Variants in PBX1 observed in about 807,000 individuals in gnomAD.
PBX1 encodes pre-B-cell leukemia transcription factor 1.
In PBX1, 6 loss-of-function variants were observed where a neutral mutation model predicts 53.4. That is an observed-to-expected ratio of 0.11 (90% CI 0.06 to 0.22). The LOEUF (loss-of-function observed/expected upper bound fraction) is 0.22. PBX1 is among the 10% of genes least tolerant of loss of function. The pLI, the probability that PBX1 is intolerant of heterozygous loss-of-function variation, is 1.00. For missense variants in PBX1, 251 were observed against 551.4 expected (o/e 0.46, Z 5.46); for synonymous variants, 204 against 212.3 (o/e 0.96, Z 0.34).
At chr1:164,825,503 C>G (rs1452573517) in intron 8 of PBX1, among the ~76,000 whole-genome samples, 1 of 152,096 alleles carries the variant, frequency 6.6e-6, no homozygotes, top group Non-Finnish European at 1.5e-5. Flanking sequence ...TGACCAATAG[C>G]CACATCTAGT....
intron 2 of PBX1, chr1:164,657,026 A>G (rs549649125): frequency 1.8e-4 from 27 of 152,210 alleles, no homozygotes; most frequent in Non-Finnish European, 3.5e-4. Flanking sequence ...ATATTAAGAT[A>G]ACATACTCTA....
intron 2 of PBX1, among the ~76,000 whole-genome samples, chr1:164,759,961 C>T (rs573635661): frequency 7.2e-5 from 11 of 152,274 alleles, no homozygotes; most frequent in African/African-American, 2.4e-4. Context: ...CCCTAAAAAC[C>T]ACAGTTGTAA....
chr1:164,852,991 A>T (rs1571532145), downstream of PBX1, among the ~76,000 whole-genome samples: 1 of 152,238 alleles, frequency 6.6e-6, no homozygotes, highest in Non-Finnish European at 1.5e-5. Flanking sequence ...TACTAAATAG[A>T]TGTAAGAAAC....
chr1:164,700,811 G>A (rs1302950089), intron 2 of PBX1: 2 of 853,686 alleles, frequency 2.3e-6, no homozygotes, highest in African/African-American at 1.8e-5. Flanking sequence ...TTGTGTTTTG[G>A]TGGTGGCCAG....
At chr1:164,885,397 C>T (rs1672754438) in intron 2 of PBX1, among the ~76,000 whole-genome samples, 2 of 152,190 alleles carry the variant, frequency 1.3e-5, no homozygotes, top group South Asian at 4.1e-4. Flanking sequence ...ATTCTGGAAG[C>T]AGGGATGGTG....
Position 164,708,106 on chromosome 1 carries a change from A to G in PBX1, c.266-84388A>G, listed in dbSNP as rs60247114. Reference sequence around the variant, plus strand: ...AGCCAACCTGCAAGTCAGTTAGGTGAGGCCGAGTGACCTCAGCCTGATGCA... The same window carrying G: ...AGCCAACCTGCAAGTCAGTTAGGTGGGGCCGAGTGACCTCAGCCTGATGCA... On this transcript the variant is annotated intron_variant, in intron 2 of 8. Coordinates refer to ENST00000420696, the MANE Select transcript of PBX1 (RefSeq NM_002585.4). 7.0e-3 allele frequency among the ~76,000 whole-genome samples: 1,064 copies of G among 152,282 alleles called. 7 individuals carry two copies. The highest frequency in any genetic ancestry group is 0.024 in the African/African-American group (1,017 of 41,542).
chr1:164,583,959 C>T (rs1408097349), intron 2 of PBX1, among the ~76,000 whole-genome samples: 1 of 152,080 alleles, frequency 6.6e-6, no homozygotes, highest in Non-Finnish European at 1.5e-5. Context: ...CAAAGAAAGT[C>T]CTGAAAGATG....
intron 2 of PBX1, among the ~76,000 whole-genome samples, chr1:164,779,733 G>A (rs907695831): frequency 6.6e-6 from 1 of 152,138 alleles, no homozygotes; most frequent in Non-Finnish European, 1.5e-5. Flanking sequence ...CGGATGGCTT[G>A]CTAGGGGCTG....
intron 2 of PBX1, among the ~76,000 whole-genome samples, chr1:164,735,192 T>C (rs546725285): frequency 6.6e-6 from 1 of 152,360 alleles, no homozygotes; most frequent in East Asian, 1.9e-4. Context: ...ACTGTTTAGA[T>C]AGAAGTATCC....
chr1:164,673,625 C>T (rs1156786794), intron 2 of PBX1, among the ~76,000 whole-genome samples: 1 of 152,010 alleles, frequency 6.6e-6, no homozygotes, highest in South Asian at 2.1e-4. Context: ...TGTGAGCCAC[C>T]GCGCCTGGCG....
chr1:164,592,132 G>A (rs1011175108), intron 2 of PBX1, among the ~76,000 whole-genome samples: 17 of 152,098 alleles, frequency 1.1e-4, no homozygotes, highest in African/African-American at 4.1e-4. Context: ...GGAGGGAGGT[G>A]GGGAGGAGGG....
At chr1:164,856,507 A>G (rs1671979491), downstream of PBX1, among the ~76,000 whole-genome samples, 1 of 152,098 alleles carries the variant, frequency 6.6e-6, no homozygotes, top group Non-Finnish European at 1.5e-5. Flanking sequence ...ATCTGTCCAA[A>G]GCTTCCACTG....
intron 2 of PBX1, among the ~76,000 whole-genome samples, chr1:164,613,561 G>C (rs1657080274): frequency 6.6e-6 from 1 of 152,166 alleles, no homozygotes; most frequent in Non-Finnish European, 1.5e-5. Flanking sequence ...CTGTGAGCCA[G>C]CCTTGGCACA....
At chr1:164,645,105 G>A (rs192704714) in intron 2 of PBX1, among the ~76,000 whole-genome samples, 2 of 152,264 alleles carry the variant, frequency 1.3e-5, no homozygotes, top group East Asian at 3.9e-4. Flanking sequence ...GGACTCTATC[G>A]ATTTCTTTCT....
chr1:164,597,215 T>A (rs1252228726), intron 2 of PBX1, among the ~76,000 whole-genome samples: 7 of 152,260 alleles, frequency 4.6e-5, no homozygotes, highest in Non-Finnish European at 7.3e-5. Context: ...GTCTGCTTCT[T>A]TTTGTACAAC....
In PBX1 at chr1:164,846,560, C is replaced by T. The variant is rs555086905; in HGVS notation, c.1201-24C>T. On this transcript the variant is annotated intron_variant, in intron 8 of 8. Coordinates refer to ENST00000420696, the MANE Select transcript of PBX1 (RefSeq NM_002585.4). ...CAGCCACCCAATCTCAGAGGACTGACTTCTCTCCCTTTTTCCCTTCTAGGC... is the reference window on the plus strand; with the variant it reads ...CAGCCACCCAATCTCAGAGGACTGATTTCTCTCCCTTTTTCCCTTCTAGGC... The T allele has an allele frequency of 1.9e-6, 3 of 1,608,498 alleles. No homozygotes were observed. The African/African-American group carries it at 4.0e-5, about 21-fold the overall frequency.
intron 2 of PBX1, among the ~76,000 whole-genome samples, chr1:164,711,713 G>A (rs1034451976): frequency 2.0e-5 from 3 of 152,192 alleles, no homozygotes; most frequent in Admixed American, 6.5e-5. Flanking sequence ...TCCCACATGC[G>A]TGGGCTTGTT....
chr1:164,767,051 C>T (rs959742721), intron 2 of PBX1, among the ~76,000 whole-genome samples: 2 of 151,732 alleles, frequency 1.3e-5, no homozygotes, highest in African/African-American at 4.8e-5. Flanking sequence ...ACCTATAACA[C>T]ATTTTCAGGA....
intron 2 of PBX1, among the ~76,000 whole-genome samples, chr1:164,648,720 G>T (rs946011684): frequency 6.6e-6 from 1 of 152,164 alleles, no homozygotes; most frequent in Non-Finnish European, 1.5e-5. Flanking sequence ...TGCCCTTGGC[G>T]GGAGGGCGTT....
Sources: allele counts gnomAD v4.1 joint callset (sites outside exome capture counted in the v4.1 genomes callset), GRCh38; gene constraint gnomAD v4.1.1; transcripts MANE v1.5; gene names NCBI Gene and HGNC (gene_info 2026-07-23, HGNC 2026-07-21).